PPP2R5E: variants seen among roughly 807,000 people sequenced by gnomAD.
The protein encoded by PPP2R5E is serine/threonine-protein phosphatase 2A 56 kDa regulatory subunit epsilon isoform.
Under a neutral mutation model 65.3 loss-of-function variants are expected in PPP2R5E, and 4 were observed. The observed-to-expected ratio is 0.06, with a 90% CI of 0.03 to 0.14. The LOEUF is 0.14. PPP2R5E is among the 10% of genes least tolerant of loss of function. PPP2R5E has a pLI of 1.00. For missense variants in PPP2R5E, 274 were observed against 556.1 expected, an observed-to-expected ratio of 0.49 and a Z score of 5.10; for synonymous variants, 183 against 187.4, an observed-to-expected ratio of 0.98 and a Z score of 0.19.
chr14:63,438,839 C>T (rs914904448), intron 3 of PPP2R5E, among the ~76,000 whole-genome samples: 3 of 151,948 alleles, frequency 2.0e-5, no homozygotes, highest in Non-Finnish European at 4.4e-5. Context: ...AGAATGATTG[C>T]GGAGAGAAAT....
chr14:63,532,622 T>C (rs1893483322), intron 2 of PPP2R5E, among the ~76,000 whole-genome samples: 1 of 152,156 alleles, frequency 6.6e-6, no homozygotes, highest in African/African-American at 2.4e-5. Context: ...CAACAGCTAG[T>C]ATTTACTGAA....
intron 2 of PPP2R5E, among the ~76,000 whole-genome samples, chr14:63,464,818 T>A (rs1460467774): frequency 2.0e-5 from 3 of 151,678 alleles, no homozygotes; most frequent in Non-Finnish European, 1.5e-5. Context: ...AGGTCAGGAG[T>A]TCAAAACCAG....
At chr14:63,450,863 G>T (rs556785719) in intron 3 of PPP2R5E, among the ~76,000 whole-genome samples, 12 of 152,138 alleles carry the variant, frequency 7.9e-5, no homozygotes, top group African/African-American at 2.9e-4. Context: ...AAAGCACTGT[G>T]TTTTTTCAGG....
At chr14:63,448,754 C>T (rs375871013) in intron 3 of PPP2R5E, among the ~76,000 whole-genome samples, 2 of 144,886 alleles carry the variant, frequency 1.4e-5, no homozygotes, top group East Asian at 2.1e-4. Flanking sequence ...CGTGCCATTG[C>T]ACTCCAGCCT....
At chr14:63,522,223 G>C (rs1234928390) in intron 2 of PPP2R5E, among the ~76,000 whole-genome samples, 1 of 152,222 alleles carries the variant, frequency 6.6e-6, no homozygotes, top group Non-Finnish European at 1.5e-5. Flanking sequence ...CGGGATTGCA[G>C]ACGGAGTCTG....
intron 5 of PPP2R5E, among the ~76,000 whole-genome samples, chr14:63,399,351 G>A (rs1885600592): frequency 7.2e-6 from 1 of 139,008 alleles, no homozygotes; most frequent in Non-Finnish European, 1.5e-5. Flanking sequence ...GCTACTAATA[G>A]GTCTGGATTT....
chr14:63,385,155 C>T (rs752334741), intron 11 of PPP2R5E, among the ~76,000 whole-genome samples: 2 of 151,978 alleles, frequency 1.3e-5, no homozygotes, highest in Non-Finnish European at 2.9e-5. Context: ...GGGGAGACCT[C>T]GCCTCTACAA....
chr14:63,425,807 ATAAATT>A (rs1434902754), intron 3 of PPP2R5E, among the ~76,000 whole-genome samples: 1 of 152,236 alleles, frequency 6.6e-6, no homozygotes, highest in African/African-American at 2.4e-5. Context: ...GGTGACTTGA[ATAAATT>A]TAAGTTATTT....
At chr14:63,452,689 TTCAG>T (rs1351220071) in intron 3 of PPP2R5E, 1 of 152,226 alleles carries the variant, frequency 6.6e-6, no homozygotes, top group Non-Finnish European at 1.5e-5. Context: ...CCTTCATTAT[TTCAG>T]TCACAGTCTC....
chr14:63,518,298 G>A (rs1419864603), intron 2 of PPP2R5E, among the ~76,000 whole-genome samples: 1 of 152,164 alleles, frequency 6.6e-6, no homozygotes, highest in Non-Finnish European at 1.5e-5. Flanking sequence ...CTGGAGTGCA[G>A]TGGTGCAATC....
At chr14:63,522,137 G>A (rs1162759482) in intron 2 of PPP2R5E, among the ~76,000 whole-genome samples, 1 of 152,040 alleles carries the variant, frequency 6.6e-6, no homozygotes, top group Non-Finnish European at 1.5e-5. Context: ...GTGGAGACGG[G>A]GTTTCGCTGT....
At chr14:63,482,234 GT>G (rs565881117) in intron 2 of PPP2R5E, among the ~76,000 whole-genome samples, 39 of 152,206 alleles carry the variant, frequency 2.6e-4, no homozygotes, top group Admixed American at 4.6e-4. Flanking sequence ...AGAGGCTGAG[GT>G]GGGCAGATCA....
At chr14:63,465,103 T>G (rs1026041501) in intron 2 of PPP2R5E, among the ~76,000 whole-genome samples, 1 of 150,112 alleles carries the variant, frequency 6.7e-6, no homozygotes, top group African/African-American at 2.4e-5. Flanking sequence ...AAATGAAAAA[T>G]CATTTCTAGG....
chr14:63,542,096 C>T (rs1333295997), intron 1 of PPP2R5E, among the ~76,000 whole-genome samples: 1 of 152,162 alleles, frequency 6.6e-6, no homozygotes, highest in Non-Finnish European at 1.5e-5. Flanking sequence ...CTTTTCGTCT[C>T]TTCTTTATTC....
chr14:63,491,724 G>A (rs1891294487), intron 2 of PPP2R5E, among the ~76,000 whole-genome samples: 1 of 152,032 alleles, frequency 6.6e-6, no homozygotes, highest in South Asian at 2.1e-4. Flanking sequence ...GCATGCACCT[G>A]TAGTCCCAGC....
At chr14:63,472,602 T>A (rs141761419) in intron 2 of PPP2R5E, among the ~76,000 whole-genome samples, 8 of 152,320 alleles carry the variant, frequency 5.3e-5, no homozygotes, top group Non-Finnish European at 1.2e-4. Flanking sequence ...GCCAGTTAGG[T>A]TGAATTGCTT....
At chr14:63,477,534 G>C (rs1180320198) in intron 2 of PPP2R5E, among the ~76,000 whole-genome samples, 1 of 151,906 alleles carries the variant, frequency 6.6e-6, no homozygotes, top group Non-Finnish European at 1.5e-5. Flanking sequence ...GAGAAAAAAA[G>C]CAGTAATGGA....
chr14:63,451,485 A>C lies in PPP2R5E; in HGVS notation c.354+2204T>G, dbSNP rs923662214. On this transcript the variant is annotated intron_variant, in intron 3 of 13. Coordinates refer to ENST00000337537, the MANE Select transcript of PPP2R5E (RefSeq NM_006246.5). ...AAAAGAGTACATGCTGTATGATTCC[A>C]ACTATATGACAGTCTGGAAAAAGCA... 8.5e-5 allele frequency: 13 copies of C among 152,352 alleles called. No homozygotes were observed. In the East Asian group the frequency reaches 2.5e-3, roughly 29 times the overall value. 9.4% of individuals were successfully genotyped at this position (152,352 alleles called of 1,614,324 possible). A position where few individuals can be genotyped will look rare whatever the true frequency, so the allele number is the denominator to read the frequency against.
chr14:63,466,400 A>C (rs2139534771), intron 2 of PPP2R5E, among the ~76,000 whole-genome samples: 1 of 152,262 alleles, frequency 6.6e-6, no homozygotes, highest in East Asian at 1.9e-4. Context: ...CACAGGACTG[A>C]GAACAGTGGA....
Sources: gnomAD v4.1 joint callset for allele counts (sites outside exome capture counted in the v4.1 genomes callset) on GRCh38, gnomAD v4.1.1 for gene constraint, MANE v1.5 for transcripts, NCBI Gene and HGNC (gene_info 2026-07-23, HGNC 2026-07-21) for gene names.